Variants in DDX60L observed in about 807,000 individuals in gnomAD.
DDX60L encodes the protein probable ATP-dependent RNA helicase DDX60-like.
Under a neutral mutation model 211.6 loss-of-function variants are expected in DDX60L, and 191 were observed. The observed-to-expected ratio is 0.90, with a 90% confidence interval of 0.80 to 1.02. The LOEUF (loss-of-function observed/expected upper bound fraction) is 1.02. DDX60L is among the 50% of genes least tolerant of loss of function. The pLI is 0.00. For missense variants in DDX60L, 2,007 were observed against 1,984.1 expected, an observed-to-expected ratio of 1.01 and a Z score of -0.22; for synonymous variants, 706 against 694.1, an observed-to-expected ratio of 1.02 and a Z score of -0.27.
chr4:168,467,966 AG>A (rs1435283753), intron 4 of DDX60L, among the ~76,000 whole-genome samples: 5 of 152,194 alleles, frequency 3.3e-5, no homozygotes, highest in African/African-American at 1.2e-4. Flanking sequence ...CCAGAGTTCA[AG>A]ACCAGCCTGA....
rs1276507176 is a variant in DDX60L at position 168,422,512 on chromosome 4, T to C, written c.2244+12A>G. ...ACACTGATTAGAAAAGTACAATGTT[T>C]GTTGTCATTACCTGCCATGCGTTGG... On this transcript the variant is annotated intron_variant, in intron 16 of 37. Coordinates refer to ENST00000682922, the MANE Select transcript of DDX60L (RefSeq NM_001012967.3). 15 of 1,604,260 alleles carry C rather than the reference T, an allele frequency of 9.4e-6. No homozygotes were observed. Among genetic ancestry groups the C allele is most frequent in the Admixed American group, 1.7e-5 (1 of 57,874 alleles).
At chr4:168,392,845 A>G (rs11932716) in intron 28 of DDX60L, among the ~76,000 whole-genome samples, 71,598 of 144,624 alleles carry the variant, frequency 0.5, 17,473 homozygotes, top group East Asian at 0.6. Context: ...TGTCTCAAAA[A>G]AAAAAAAAAA....
At chr4:168,440,237 A>G (rs1338188128) in intron 10 of DDX60L, among the ~76,000 whole-genome samples, 1 of 152,306 alleles carries the variant, frequency 6.6e-6, no homozygotes, top group East Asian at 1.9e-4. Flanking sequence ...ACACACACAA[A>G]AAAAGATTGA....
At chr4:168,371,791 A>G (rs2149636444) in intron 35 of DDX60L, 28 bp from the exon 36 acceptor site, 2 of 1,571,746 alleles carry the variant, frequency 1.3e-6, no homozygotes, top group Non-Finnish European at 1.7e-6. Flanking sequence ...CTATTACTTC[A>G]TTACTGATAT....
At chr4:168,396,952 A>T (rs768208597) in intron 26 of DDX60L, among the ~76,000 whole-genome samples, 1 of 152,166 alleles carries the variant, frequency 6.6e-6, no homozygotes, top group African/African-American at 2.4e-5. Context: ...TTGAAATCCT[A>T]AACTCCATTT....
chr4:168,449,264 A>T (rs1242503753), intron 8 of DDX60L, among the ~76,000 whole-genome samples: 1 of 151,788 alleles, frequency 6.6e-6, no homozygotes, highest in Non-Finnish European at 1.5e-5. Context: ...GCACATATAC[A>T]CCATGGAATA....
chr4:168,359,285 A>G (rs183358905), intron 37 of DDX60L, among the ~76,000 whole-genome samples: 2 of 152,322 alleles, frequency 1.3e-5, no homozygotes, highest in East Asian at 1.9e-4. Context: ...ATATTATTCT[A>G]TTGACTGCTG....
intron 22 of DDX60L, among the ~76,000 whole-genome samples, chr4:168,410,728 T>C (rs951099030): frequency 1.3e-5 from 2 of 152,162 alleles, no homozygotes; most frequent in Non-Finnish European, 2.9e-5. Flanking sequence ...GTGCCTCAAG[T>C]GAGATCTCCG....
intron 8 of DDX60L, among the ~76,000 whole-genome samples, chr4:168,450,326 AC>A (rs1755631028): frequency 6.6e-6 from 1 of 152,124 alleles, no homozygotes. Flanking sequence ...GACAGCTTCA[AC>A]GCCCTATGAT....
chr4:168,390,099 T>C (rs770194449), intron 29 of DDX60L: 3 of 980,726 alleles, frequency 3.1e-6, no homozygotes, highest in Non-Finnish European at 3.6e-6. Context: ...ATAAAATCCA[T>C]TCACAGAGAA....
chr4:168,373,249 T>C (rs986945227), intron 35 of DDX60L, among the ~76,000 whole-genome samples: 9 of 152,088 alleles, frequency 5.9e-5, no homozygotes, highest in Non-Finnish European at 1.2e-4. Context: ...ACCCTAATAT[T>C]TTATCCAGAA....
At chr4:168,449,677 A>AAAATAAAAT (rs1231061284) in intron 8 of DDX60L, among the ~76,000 whole-genome samples, 1 of 144,718 alleles carries the variant, frequency 6.9e-6, no homozygotes, top group Admixed American at 6.8e-5. Flanking sequence ...AAAAAAGAAA[A>AAAATAAAAT]AAATTACTAA....
chr4:168,400,792 G>T, intron 26 of DDX60L, 34 bp downstream of exon 26: 2 of 1,561,702 alleles, frequency 1.3e-6, no homozygotes, highest in Non-Finnish European at 1.7e-6. Context: ...TAGTCTTCAG[G>T]GGCCAATTTG....
intron 30 of DDX60L, 166 bp from the exon 31 acceptor site, chr4:168,379,996 G>T: frequency 2.0e-6 from 1 of 495,116 alleles, no homozygotes; most frequent in Non-Finnish European, 3.5e-6. Context: ...ATCTTCACAT[G>T]GCACATGCTT....
At chr4:168,441,657 T>C (rs1055875989) in intron 9 of DDX60L, among the ~76,000 whole-genome samples, 165 bp from the exon 10 acceptor site, 1 of 152,176 alleles carries the variant, frequency 6.6e-6, no homozygotes, top group Non-Finnish European at 1.5e-5. Context: ...CATGACACTA[T>C]GACAGTACTT....
intron 1 of DDX60L, among the ~76,000 whole-genome samples, chr4:168,479,981 C>CAA (rs60737462): frequency 3.9e-4 from 39 of 100,864 alleles, no homozygotes; most frequent in East Asian, 6.3e-4. Flanking sequence ...GAGACTGACT[C>CAA]AAAAAAAAAA....
intron 22 of DDX60L, 140 bp downstream of exon 22, chr4:168,415,268 C>T: frequency 2.2e-6 from 1 of 457,570 alleles, no homozygotes; most frequent in Non-Finnish European, 3.8e-6. Context: ...TTTAAAAAAT[C>T]AATGAATAAA....
chr4:168,423,619 C>T lies in DDX60L; in HGVS notation c.2086G>A (p.Asp696Asn). Residue 696 changes from aspartate to asparagine, a missense_variant, in exon 15 of 38, where the codon GAT (aspartate) becomes AAT (asparagine). Coordinates refer to ENST00000682922, the MANE Select transcript of DDX60L (RefSeq NM_001012967.3). ...LGFNDLANSLDPTLIGDDKNK... is the reference protein window; with the variant it reads ...LGFNDLANSLNPTLIGDDKNK... ...TCTAGTTCTCTTACCAGAGTTGGAT[C>T]CAAAGAGTTTGCCAGATCATTAAAG... 1 of 1,573,948 alleles carries T rather than the reference C, an allele frequency of 6.4e-7. No individual in the cohort carries two copies. Among genetic ancestry groups the T allele is most frequent in the East Asian group, 2.3e-5 (1 of 43,798 alleles).
At chr4:168,410,647 T>A (rs1748521720) in intron 22 of DDX60L, among the ~76,000 whole-genome samples, 1 of 152,220 alleles carries the variant, frequency 6.6e-6, no homozygotes, top group Non-Finnish European at 1.5e-5. Context: ...TATAATTTAA[T>A]AACAGAGATA....
Sources: allele counts gnomAD v4.1 joint callset (sites outside exome capture counted in the v4.1 genomes callset), GRCh38; gene constraint gnomAD v4.1.1; transcripts MANE v1.5; gene names NCBI Gene and HGNC (gene_info 2026-07-23, HGNC 2026-07-21).